The following QDPR variants were observed in gnomAD, a reference collection of about 807,000 sequenced individuals.
QDPR encodes quinoid dihydropteridine reductase.
In QDPR, 23 loss-of-function variants were observed where a neutral mutation model predicts 31.7. The ratio of observed to expected loss-of-function variants is 0.73; its 90% CI spans 0.52 to 1.03. QDPR has a LOEUF of 1.03. Ranked by LOEUF, QDPR falls within the 50% of genes least tolerant of loss-of-function variation. The pLI is 0.00. For synonymous variants in QDPR, 124 were observed against 124.7 expected (o/e 0.99, Z 0.03); for missense variants, 324 against 323.8 (o/e 1.00, Z 0.00).
At chr4:17,506,653 TG>T (rs1718797882) in intron 2 of QDPR, among the ~76,000 whole-genome samples, 1 of 152,182 alleles carries the variant, frequency 6.6e-6, no homozygotes. Flanking sequence ...GGGGATGTAA[TG>T]AAGACTACAC....
chr4:17,493,996 T>C (rs937018719), intron 4 of QDPR, among the ~76,000 whole-genome samples: 2 of 152,128 alleles, frequency 1.3e-5, no homozygotes, highest in African/African-American at 2.4e-5. Context: ...AGGCACTCAA[T>C]GAAGGTTTCC....
intron 2 of QDPR, 126 bp downstream of exon 2, chr4:17,509,145 A>G: frequency 2.5e-6 from 2 of 789,524 alleles, no homozygotes; most frequent in Non-Finnish European, 4.3e-6. Context: ...GCGACAGAGC[A>G]AGACTCCGTC....
chr4:17,497,660 T>C (rs1718414666), intron 4 of QDPR, among the ~76,000 whole-genome samples: 1 of 152,154 alleles, frequency 6.6e-6, no homozygotes, highest in Non-Finnish European at 1.5e-5. Flanking sequence ...ACTGAACTTT[T>C]TTTCCTCCAT....
At chr4:17,498,074 T>C (rs913152362) in intron 4 of QDPR, among the ~76,000 whole-genome samples, 1 of 152,196 alleles carries the variant, frequency 6.6e-6, no homozygotes, top group African/African-American at 2.4e-5. Context: ...AGAATAATGA[T>C]AGCAAGAAGG....
chr4:17,511,515 A>G (rs143941437), intron 1 of QDPR, among the ~76,000 whole-genome samples: 214 of 152,334 alleles, frequency 1.4e-3, no homozygotes, highest in Non-Finnish European at 2.4e-3. Flanking sequence ...TCTCACTGTC[A>G]GAATCTCCGT....
At chr4:17,492,544 T>A (rs897122611) in intron 4 of QDPR, 2 of 604,710 alleles carry the variant, frequency 3.3e-6, no homozygotes, top group African/African-American at 3.7e-5. Flanking sequence ...AACACGTGGG[T>A]TGGGAATTAT....
At chr4:17,506,806 C>A (rs1718802694) in intron 2 of QDPR, among the ~76,000 whole-genome samples, 1 of 152,260 alleles carries the variant, frequency 6.6e-6, no homozygotes, top group Non-Finnish European at 1.5e-5. Flanking sequence ...AAAATAAGAA[C>A]AACAAAAATG....
At chr4:17,505,668 A>G (rs1718762572) in intron 2 of QDPR, among the ~76,000 whole-genome samples, 1 of 152,238 alleles carries the variant, frequency 6.6e-6, no homozygotes, top group African/African-American at 2.4e-5. Flanking sequence ...CCCGGGCAAC[A>G]TAACAAGACC....
In QDPR at chr4:17,486,909, T is replaced by C. The variant is rs540669318; in HGVS notation, c.*222A>G. 7 of 581,550 alleles carry C rather than the reference T, an allele frequency of 1.2e-5. No homozygotes were observed. The highest frequency in any genetic ancestry group is 9.1e-5 in the East Asian group (3 of 33,052). The allele number at this position is 581,550 out of a possible 1,614,324, so 36.0% of individuals were successfully genotyped here. On this transcript the variant is annotated 3_prime_UTR_variant, in exon 7 of 7. Transcript: ENST00000281243. ...GCCCTCCCTATGCAGTTAACACAGA[T>C]CAACGGATGCTATTTGCAGGCCACC...
chr4:17,505,588 AT>A (rs1718759636), intron 2 of QDPR, among the ~76,000 whole-genome samples: 1 of 152,220 alleles, frequency 6.6e-6, no homozygotes, highest in Non-Finnish European at 1.5e-5. Flanking sequence ...ACAGTGGCTC[AT>A]GCCAGTAGTC....
Position 17,507,606 on chromosome 4 carries a change from T to C in QDPR, c.198+1665A>G, listed in dbSNP as rs185689804. On this transcript the variant is annotated intron_variant, in intron 2 of 6. Coordinates refer to ENST00000281243, the MANE Select transcript of QDPR (RefSeq NM_000320.3). Reference sequence around the variant, plus strand: ...GAGCATCAAAGATTTTTCTTTCTTTTTTTTTTTTTTGTTTTGAGACAGAGT... The same window carrying C: ...GAGCATCAAAGATTTTTCTTTCTTTCTTTTTTTTTTGTTTTGAGACAGAGT... 2.0e-3 allele frequency among the ~76,000 whole-genome samples: 304 copies of C among 151,518 alleles called. 1 individual carries two copies. Among genetic ancestry groups the C allele is most frequent in the Non-Finnish European group, 3.1e-3 (213 of 67,780 alleles).
At position 17,496,442 on chromosome 4, in the gene QDPR, C is replaced by CA. The variant is rs747311750; in HGVS notation, c.437-4103dup. 0.012 allele frequency among the ~76,000 whole-genome samples: 764 copies of CA among 64,566 alleles called. 115 individuals are homozygous for CA. In the East Asian group the frequency reaches 0.12, roughly 10 times the overall value. The allele number at this position is 64,566 out of a possible 152,430, so 42.4% of individuals were successfully genotyped here. A position where few individuals can be genotyped will look rare whatever the true frequency, so the allele number is the denominator to read the frequency against. The stretch of plus-strand genomic sequence containing the variant: ...CTGGGCAATAAGGGCAAAACTGTCT[C>CA]AAAAAAAAAAAAAAAAAAAAAAAAA... On this transcript the variant is annotated intron_variant, in intron 4 of 6. Transcript: ENST00000281243.
chr4:17,500,431 G>C (rs564841389), intron 4 of QDPR, among the ~76,000 whole-genome samples: 14 of 152,256 alleles, frequency 9.2e-5, no homozygotes, highest in Admixed American at 7.2e-4. Flanking sequence ...CTAATTCCCA[G>C]TACCTCAGAA....
chr4:17,501,194 T>G (rs899412757), intron 4 of QDPR, among the ~76,000 whole-genome samples: 1 of 152,116 alleles, frequency 6.6e-6, no homozygotes, highest in African/African-American at 2.4e-5. Flanking sequence ...CTCTTTTTGT[T>G]TTCTAATGTA....
chr4:17,491,195 C>A (rs988603837), intron 5 of QDPR, among the ~76,000 whole-genome samples: 2 of 152,124 alleles, frequency 1.3e-5, no homozygotes, highest in African/African-American at 2.4e-5. Flanking sequence ...TTCCACAAAA[C>A]CTTAAGATTT....
Position 17,490,321 on chromosome 4 carries a change from G to A in QDPR, c.629+341C>T, listed in dbSNP as rs561942043. 15 of 348,426 alleles carry A rather than the reference G, an allele frequency of 4.3e-5. No homozygotes were observed. In the East Asian group the frequency reaches 7.2e-4, roughly 17 times the overall value. The allele number at this position is 348,426 out of a possible 1,614,324, so 21.6% of individuals were successfully genotyped here. On this transcript the variant is annotated intron_variant, in intron 6 of 6. Transcript: ENST00000281243. ...CCAGACACTGTGTTGAGTGCTTGCCGCACACTATCACGTTTAATCCTAACA... is the reference window on the plus strand; with the variant it reads ...CCAGACACTGTGTTGAGTGCTTGCCACACACTATCACGTTTAATCCTAACA...
intron 4 of QDPR, among the ~76,000 whole-genome samples, chr4:17,494,042 G>A (rs894086644): frequency 2.6e-5 from 4 of 152,092 alleles, no homozygotes; most frequent in East Asian, 1.9e-4. Flanking sequence ...CCTGGAACCC[G>A]ACTACCTGGC....
At chr4:17,506,956 G>C (rs188189611) in intron 2 of QDPR, among the ~76,000 whole-genome samples, 1 of 152,170 alleles carries the variant, frequency 6.6e-6, no homozygotes, top group African/African-American at 2.4e-5. Context: ...ATTTTGGAGA[G>C]ACAGACTGGA....
chr4:17,503,728 T>C (rs1718651117), intron 3 of QDPR, among the ~76,000 whole-genome samples: 1 of 152,162 alleles, frequency 6.6e-6, no homozygotes, highest in Non-Finnish European at 1.5e-5. Context: ...AGGGGGTGGA[T>C]CACCTGAGGT....
Sources: allele counts gnomAD v4.1 joint callset (sites outside exome capture counted in the v4.1 genomes callset), GRCh38; gene constraint gnomAD v4.1.1; transcripts MANE v1.5; gene names NCBI Gene and HGNC (gene_info 2026-07-23, HGNC 2026-07-21).